The following CUL2 variants were observed in gnomAD, a reference collection of about 807,000 sequenced individuals.
CUL2 encodes cullin 2.
A neutral mutation model predicts 110.2 loss-of-function variants in CUL2; 22 were observed. The ratio of observed to expected loss-of-function variants is 0.20; its 90% CI spans 0.14 to 0.28. The LOEUF is 0.28. CUL2 is among the 10% of genes least tolerant of loss of function. CUL2 has a pLI of 1.00. For missense variants in CUL2, 631 were observed against 905.5 expected (o/e 0.70, Z 3.89); for synonymous variants, 279 against 293.2 (o/e 0.95, Z 0.49).
chr10:35,089,604 T>C (rs371238969), intron 1 of CUL2, among the ~76,000 whole-genome samples: 89 of 152,330 alleles, frequency 5.8e-4, no homozygotes, highest in Non-Finnish European at 1.1e-3. Context: ...GATGTTTTAT[T>C]TGCATGCACG....
At chr10:35,077,327 AAAC>A (rs1383727473) in intron 1 of CUL2, among the ~76,000 whole-genome samples, 5 of 113,512 alleles carry the variant, frequency 4.4e-5, no homozygotes, top group South Asian at 3.2e-4. Flanking sequence ...ACAAACAAAC[AAAC>A]AAAAAAAACA....
At chr10:35,077,299 A>C (rs1162916419) in intron 1 of CUL2, among the ~76,000 whole-genome samples, 1 of 150,716 alleles carries the variant, frequency 6.6e-6, no homozygotes, top group Non-Finnish European at 1.5e-5. Context: ...GTCTCAAAAA[A>C]AAAAACAAAA....
chr10:35,054,689 T>G (rs552627954), intron 4 of CUL2, 150 bp from the exon 5 acceptor site: 3 of 475,712 alleles, frequency 6.3e-6, no homozygotes, highest in African/African-American at 6.0e-5. Flanking sequence ...ATGTAGAGAT[T>G]AGAAATATAA....
chr10:35,091,222 GC>G (rs1199557514), upstream of CUL2, among the ~76,000 whole-genome samples: 1 of 152,056 alleles, frequency 6.6e-6, no homozygotes, highest in Non-Finnish European at 1.5e-5. Flanking sequence ...AGTGCTTTTT[GC>G]CTTTCATATC....
chr10:35,016,737 G>A (rs1323745922), intron 17 of CUL2, among the ~76,000 whole-genome samples: 1 of 151,960 alleles, frequency 6.6e-6, no homozygotes, highest in Non-Finnish European at 1.5e-5. Flanking sequence ...GACCAGCCTG[G>A]TCAACATAGT....
intron 1 of CUL2, among the ~76,000 whole-genome samples, chr10:35,124,856 T>A (rs1024536774): frequency 6.6e-6 from 1 of 152,050 alleles, no homozygotes; most frequent in Non-Finnish European, 1.5e-5. Flanking sequence ...TTTAAGATAT[T>A]TTGAAGTGAG....
chr10:35,013,906 A>T (rs1395664452), intron 18 of CUL2, 106 bp from the exon 19 acceptor site: 3 of 705,324 alleles, frequency 4.3e-6, no homozygotes, highest in South Asian at 8.7e-5. Flanking sequence ...AAAAGCCTCC[A>T]CTCTCATAAC....
In CUL2 at chr10:35,078,106, C is replaced by A. The variant is rs112114104; in HGVS notation, c.-22-6767G>T. Reference sequence around the variant, plus strand: ...TCTCTAACTGAAAGCCGTTACTAACCTTCCCTTCTGAGAATCTTAACTTTC... The same window carrying A: ...TCTCTAACTGAAAGCCGTTACTAACATTCCCTTCTGAGAATCTTAACTTTC... On this transcript the variant is annotated intron_variant, in intron 1 of 20. Coordinates refer to ENST00000374749, the MANE Select transcript of CUL2 (RefSeq NM_003591.4). Among the ~76,000 whole-genome samples, 898 of 152,174 alleles carry A rather than the reference C, an allele frequency of 5.9e-3. 6 individuals carry two copies. The highest frequency in any genetic ancestry group is 0.02 in the African/African-American group (831 of 41,524).
intron 1 of CUL2, among the ~76,000 whole-genome samples, chr10:35,078,636 A>T (rs1244154139): frequency 2.0e-5 from 3 of 152,000 alleles, no homozygotes; most frequent in Non-Finnish European, 4.4e-5. Context: ...GTTCCTGTGA[A>T]CTCACTTGCT....
intron 1 of CUL2, among the ~76,000 whole-genome samples, chr10:35,125,443 T>C (rs919649678): frequency 4.6e-5 from 7 of 152,224 alleles, no homozygotes; most frequent in African/African-American, 1.7e-4. Context: ...TGAACTCCTG[T>C]TACAGAGACA....
intron 2 of CUL2, among the ~76,000 whole-genome samples, chr10:35,065,982 T>C (rs1203854161): frequency 6.6e-6 from 1 of 152,242 alleles, no homozygotes; most frequent in Non-Finnish European, 1.5e-5. Flanking sequence ...ATTTATGAAC[T>C]TTCCAGTTTA....
intron 1 of CUL2, among the ~76,000 whole-genome samples, chr10:35,080,224 T>A (rs1379482560): frequency 1.3e-5 from 2 of 152,132 alleles, no homozygotes; most frequent in Non-Finnish European, 2.9e-5. Flanking sequence ...TGCCATCATT[T>A]AATATTAAAA....
chr10:35,011,705 G>A (rs753595826), intron 20 of CUL2, 143 bp downstream of exon 20: 39 of 564,826 alleles, frequency 6.9e-5, no homozygotes, highest in Middle Eastern at 5.0e-4. Flanking sequence ...GAGTGAGTAC[G>A]ATTCTGATTA....
intron 17 of CUL2, among the ~76,000 whole-genome samples, chr10:35,021,459 A>G (rs941971210): frequency 7.1e-5 from 10 of 140,654 alleles, no homozygotes; most frequent in African/African-American, 3.2e-4. Context: ...ACACACATAC[A>G]TACACACACA....
Position 35,010,385 on chromosome 10 carries a change from T to C in CUL2, c.2164A>G (p.Ile722Val), listed in dbSNP as rs749907206. ...TATTGTTTGTCTATCAGAACTTCAA[T>C]ACACTTCTTAATCATGCTGATACTG... ...NPSISMIKKCIEVLIDKQYIE... is the reference protein window; with the variant it reads ...NPSISMIKKCVEVLIDKQYIE... Residue 722 changes from isoleucine (I) to valine (V), a missense_variant, in exon 21 of 21, where the codon ATT becomes GTT. Transcript: ENST00000374749. 1.7e-5 allele frequency: 27 copies of C among 1,612,336 alleles called. No homozygotes were observed. Among genetic ancestry groups the C allele is most frequent in the Non-Finnish European group, 2.2e-5 (26 of 1,179,236 alleles).
intron 1 of CUL2, among the ~76,000 whole-genome samples, chr10:35,112,313 AATGGTTTTCAG>A (rs1341588753): frequency 1.3e-5 from 2 of 152,204 alleles, no homozygotes; most frequent in African/African-American, 4.8e-5. Flanking sequence ...TACATAAAAC[AATGGTTTTCAG>A]ATGGTAGATA....
chr10:35,074,257 G>A (rs1044218736), intron 1 of CUL2: 39 of 1,511,608 alleles, frequency 2.6e-5, no homozygotes, highest in Middle Eastern at 3.3e-4. Flanking sequence ...TCCTTCTACA[G>A]ACAGCATTCA....
chr10:35,038,962 G>A lies in CUL2; in HGVS notation c.835C>T (p.His279Tyr). Residue 279 changes from histidine to tyrosine, a missense_variant, in exon 9 of 21, where the codon CAT (histidine) becomes TAT (tyrosine). Around this residue, in one of 3 missense-constraint regions of CUL2, gnomAD observed 338 missense variants for 442.5 expected, o/e 0.76. Coordinates refer to ENST00000374749, the MANE Select transcript of CUL2 (RefSeq NM_003591.4). ...CGAATTATATTATGACATTCTGCAT[G>A]TAAAAACTGTAAGTGGTCTGCTACC... Reference protein sequence around the residue: ...RMVADHLQFLHAECHNIIRQE... With the variant: ...RMVADHLQFLYAECHNIIRQE... The A allele has an allele frequency of 6.2e-7, 1 of 1,607,060 alleles. No individual in the cohort carries two copies.
intron 1 of CUL2, among the ~76,000 whole-genome samples, chr10:35,079,003 G>C (rs779337862): frequency 6.6e-6 from 1 of 152,120 alleles, no homozygotes; most frequent in Non-Finnish European, 1.5e-5. Flanking sequence ...AGAAAATACT[G>C]AAGACCCAAT....
Sources: allele counts gnomAD v4.1 joint callset (sites outside exome capture counted in the v4.1 genomes callset), GRCh38; gene constraint gnomAD v4.1.1; regional missense constraint gnomAD v4.1.1; transcripts MANE v1.5; gene names NCBI Gene and HGNC (gene_info 2026-07-23, HGNC 2026-07-21).